Variants in PDE1C observed in about 807,000 individuals in gnomAD.
The protein encoded by PDE1C is phosphodiesterase 1C, also known as dual specificity calcium/calmodulin-dependent 3',5'-cyclic nucleotide phosphodiesterase 1C.
Under a neutral mutation model 93.1 loss-of-function variants are expected in PDE1C, and 62 were observed. The observed-to-expected ratio is 0.67, with a 90% CI of 0.54 to 0.82. The LOEUF is 0.82. PDE1C is among the 40% of genes least tolerant of loss of function. The pLI, the probability that PDE1C is intolerant of heterozygous loss-of-function variation, is 0.00. For synonymous variants in PDE1C, 325 were observed against 310.1 expected (o/e 1.05, Z -0.50); for missense variants, 742 against 884.6 (o/e 0.84, Z 2.04).
At chr7:32,133,355 G>A (rs1382270309) in intron 3 of PDE1C, among the ~76,000 whole-genome samples, 3 of 152,152 alleles carry the variant, frequency 2.0e-5, no homozygotes, top group African/African-American at 7.2e-5. Context: ...TGAAACTGGA[G>A]CAAGTCACCA....
the PDE1C span, chr7:31,653,295 C>A: frequency 1.3e-5 from 2 of 159,392 alleles, no homozygotes; most frequent in South Asian, 3.6e-4. Context: ...ACATAGGAGG[C>A]AAACAGTTGC....
chr7:31,620,248 G>A, the PDE1C span, among the ~76,000 whole-genome samples: 9 of 152,054 alleles, frequency 5.9e-5, no homozygotes, highest in African/African-American at 2.2e-4. Flanking sequence ...CAGCTTTGAA[G>A]AGAGCAGTGG....
chr7:31,752,567 T>C lies in PDE1C; in HGVS notation c.*817A>G, dbSNP rs568739492. 1 of 152,114 alleles carries C rather than the reference T, an allele frequency of 6.6e-6. No homozygotes were observed. The highest frequency in any genetic ancestry group is 1.5e-5 in the Non-Finnish European group (1 of 68,010). 9.4% of individuals were successfully genotyped at this position (152,114 alleles called of 1,614,324 possible). A position where few individuals can be genotyped will look rare whatever the true frequency, so the allele number is the denominator to read the frequency against. ...CTAGGACCACAAAATCAAACTGACA[T>C]CTTTTGCAATGACTCTTAAACCTGC... On this transcript the variant is annotated 3_prime_UTR_variant, in exon 18 of 18. Transcript: ENST00000396191.
chr7:31,859,243 TGA>T (rs1263513915), intron 7 of PDE1C, among the ~76,000 whole-genome samples: 1 of 148,332 alleles, frequency 6.7e-6, no homozygotes, highest in Non-Finnish European at 1.5e-5. Context: ...ATAGAGAGAG[TGA>T]GAGAGAGTCA....
At chr7:31,893,953 GA>G (rs1342964028) in intron 2 of PDE1C, among the ~76,000 whole-genome samples, 1 of 152,136 alleles carries the variant, frequency 6.6e-6, no homozygotes, top group Non-Finnish European at 1.5e-5. Context: ...TACTTTGTAA[GA>G]TTTGTTTTAA....
At chr7:31,869,265 A>T (rs1400428641) in intron 6 of PDE1C, among the ~76,000 whole-genome samples, 1 of 152,140 alleles carries the variant, frequency 6.6e-6, no homozygotes, top group African/African-American at 2.4e-5. Flanking sequence ...AAGTCCTCAC[A>T]TATCAATAGC....
intron 1 of PDE1C, among the ~76,000 whole-genome samples, chr7:32,370,771 G>C (rs367935346): frequency 7.3e-6 from 1 of 137,224 alleles, no homozygotes; most frequent in Non-Finnish European, 1.5e-5. Flanking sequence ...ATGTACCCTA[G>C]AACTTAAAGT....
chr7:31,894,272 G>C lies in PDE1C; in HGVS notation c.129-13412C>G, dbSNP rs149175087. On this transcript the variant is annotated intron_variant, in intron 2 of 17. Coordinates refer to ENST00000396191, the MANE Select transcript of PDE1C (RefSeq NM_001191057.4). ...AGGGAGTCTTCTTTTCTCCATACCA[G>C]GTGATGCTCCGTGCTCTGGGGTCAC... Among the ~76,000 whole-genome samples, 37 of 152,330 alleles carry C rather than the reference G, an allele frequency of 2.4e-4. No homozygotes were observed. The East Asian group carries it at 5.8e-3, about 24-fold the overall frequency.
the PDE1C span, chr7:31,652,387 T>G: frequency 7.4e-7 from 1 of 1,357,134 alleles, no homozygotes; most frequent in Non-Finnish European, 9.8e-7. Flanking sequence ...ACTATCAGAA[T>G]CTGCTGCTGG....
chr7:31,707,919 T>G, the PDE1C span: 1 of 152,236 alleles, frequency 6.6e-6, no homozygotes, highest in African/African-American at 2.4e-5. Context: ...AGAGTGCTGG[T>G]CTGTCTGGGA....
chr7:31,685,208 G>A, the PDE1C span, among the ~76,000 whole-genome samples: 1 of 152,148 alleles, frequency 6.6e-6, no homozygotes, highest in Non-Finnish European at 1.5e-5. Flanking sequence ...TTATAGAAAT[G>A]GAGAATAGAT....
At chr7:31,701,576 G>GA in the PDE1C span, among the ~76,000 whole-genome samples, 2 of 152,146 alleles carry the variant, frequency 1.3e-5, no homozygotes, top group Non-Finnish European at 2.9e-5. Flanking sequence ...ACTTGATTTT[G>GA]AAAAAAGTTC....
the PDE1C span, among the ~76,000 whole-genome samples, chr7:31,667,181 T>G: frequency 6.6e-6 from 1 of 152,132 alleles, no homozygotes; most frequent in African/African-American, 2.4e-5. Flanking sequence ...GATGTCCGGC[T>G]GACCTACCCG....
At chr7:31,939,278 C>A (rs868728470) in intron 2 of PDE1C, among the ~76,000 whole-genome samples, 4 of 152,100 alleles carry the variant, frequency 2.6e-5, no homozygotes, top group Middle Eastern at 3.4e-3. Flanking sequence ...GCAGCAAAAT[C>A]ATTTACATGG....
chr7:32,195,157 C>G (rs766960739), intron 2 of PDE1C, among the ~76,000 whole-genome samples: 5 of 152,160 alleles, frequency 3.3e-5, no homozygotes, highest in Non-Finnish European at 4.4e-5. Flanking sequence ...TCAAACATAA[C>G]TTAGAAAACT....
At chr7:32,013,409 A>C (rs1471832537) in intron 2 of PDE1C, among the ~76,000 whole-genome samples, 1 of 152,226 alleles carries the variant, frequency 6.6e-6, no homozygotes. Flanking sequence ...ACTTGCCAGC[A>C]GTTTTGCCAC....
At position 32,314,725 on chromosome 7, in the gene PDE1C, C is replaced by T. The variant is rs1315108464; in HGVS notation, c.311-105186G>A. ...CTCTTCTCAGTGGCATCCTTGGCAA[C>T]AGAATTACCGAGAGCACCAAGAACG... On this transcript the variant is annotated intron_variant, in intron 1 of 1. Coordinates refer to the PDE1C transcript ENST00000672256. Among the ~76,000 whole-genome samples, 3 of 151,996 alleles carry T rather than the reference C, an allele frequency of 2.0e-5. No individual in the cohort carries two copies. In the East Asian group the frequency reaches 5.8e-4, roughly 29 times the overall value.
At chr7:32,189,481 A>G (rs892311556) in intron 2 of PDE1C, among the ~76,000 whole-genome samples, 1 of 152,226 alleles carries the variant, frequency 6.6e-6, no homozygotes, top group African/African-American at 2.4e-5. Context: ...CAATGTCTGC[A>G]AAGCATGCAA....
intron 1 of PDE1C, among the ~76,000 whole-genome samples, chr7:32,296,442 C>CT (rs1812611175): frequency 6.6e-6 from 1 of 152,118 alleles, no homozygotes; most frequent in Admixed American, 6.5e-5. Context: ...AATTGTATCT[C>CT]TTAGTATAGT....
Sources: gnomAD v4.1 joint callset for allele counts (sites outside exome capture counted in the v4.1 genomes callset) on GRCh38, gnomAD v4.1.1 for gene constraint, MANE v1.5 for transcripts, NCBI Gene and HGNC (gene_info 2026-07-23, HGNC 2026-07-21) for gene names.